ABCG1: variants seen among roughly 807,000 people sequenced by gnomAD.
ABCG1 encodes the protein ATP-binding cassette sub-family G member 1.
In ABCG1, 29 loss-of-function variants were observed where a neutral mutation model predicts 69.2. The observed-to-expected ratio is 0.42, with a 90% CI of 0.31 to 0.57. ABCG1 has a LOEUF of 0.57. Among genes scored for constraint, ABCG1 ranks in the 20% least tolerant of loss-of-function variants. The probability of loss-of-function intolerance (pLI) is 0.15; values close to 1 mark genes in which losing one functional copy is unlikely to be tolerated. For synonymous variants in ABCG1, 370 were observed against 374.8 expected (o/e 0.99, Z 0.15); for missense variants, 718 against 898.1 (o/e 0.80, Z 2.56).
At chr21:42,202,613 C>A (rs1309053641) in intron 2 of ABCG1, among the ~76,000 whole-genome samples, 2 of 145,550 alleles carry the variant, frequency 1.4e-5, no homozygotes, top group Non-Finnish European at 3.0e-5. Context: ...GTCTCTCTCC[C>A]TTTTTTTTTT....
upstream of ABCG1, among the ~76,000 whole-genome samples, chr21:42,211,413 C>T (rs115834651): frequency 1.2e-3 from 180 of 152,284 alleles, no homozygotes; most frequent in African/African-American, 4.2e-3. Context: ...TGGTTTTCCT[C>T]TGCTCCTGTT....
intron 2 of ABCG1, among the ~76,000 whole-genome samples, chr21:42,209,432 C>T (rs935912787): frequency 6.6e-6 from 1 of 152,176 alleles, no homozygotes; most frequent in African/African-American, 2.4e-5. Flanking sequence ...TCCAGCTAGG[C>T]TCCGTGCTGG....
At chr21:42,238,116 G>C (rs225444) in intron 2 of ABCG1, among the ~76,000 whole-genome samples, 80,609 of 152,086 alleles carry the variant, frequency 0.53, 23,259 homozygotes, top group African/African-American at 0.77. Context: ...TTTCATGAAG[G>C]CAAATACTCC....
chr21:42,228,153 C>T (rs575429520), intron 2 of ABCG1, among the ~76,000 whole-genome samples: 95 of 152,272 alleles, frequency 6.2e-4, no homozygotes, highest in Non-Finnish European at 1.2e-3. Context: ...CCCCAACTGT[C>T]CATTCTTAGG....
intron 2 of ABCG1, among the ~76,000 whole-genome samples, chr21:42,232,265 A>C (rs2067911889): frequency 6.6e-6 from 1 of 152,224 alleles, no homozygotes; most frequent in Non-Finnish European, 1.5e-5. Flanking sequence ...GACAGGCTTC[A>C]TATCCAAGGG....
intron 2 of ABCG1, chr21:42,201,819 A>C: frequency 6.3e-7 from 1 of 1,597,374 alleles, no homozygotes; most frequent in Non-Finnish European, 8.6e-7. Context: ...TGTAGTCTAG[A>C]GATGATTCTT....
At position 42,219,443 on chromosome 21, in the gene ABCG1, T is replaced by A. The variant is rs4148098; in HGVS notation, c.42+139T>A. 176,833 of 1,257,752 alleles carry A rather than the reference T, an allele frequency of 0.14. 13,534 individuals carry two copies. The highest frequency in any genetic ancestry group is 0.22 in the Admixed American group (7,510 of 34,644). The allele number at this position is 1,257,752 out of a possible 1,614,324, so 77.9% of individuals were successfully genotyped here. On this transcript the variant is annotated intron_variant, in intron 1 of 14. Coordinates refer to ENST00000398449, the MANE Select transcript of ABCG1 (RefSeq NM_016818.3). This position sits in a 1 kb window ranked among gnomAD's most constrained non-coding sequence, Gnocchi z 5.3. ...GGCGCTGACCCAGGGCACCCTAGAG[T>A]GGCGCCCGGCTCCGATCGCTGCCCC...
Position 42,280,667 on chromosome 21 carries a change from G to A in ABCG1, c.589-1607G>A, listed in dbSNP as rs150049621. On this transcript the variant is annotated intron_variant, in intron 5 of 14. Transcript: ENST00000398449. ...GGGCCCAGCTCATGGGCAGGGGTGC[G>A]GAGGGAAAGGCACCCACAGCGGCCT... is the stretch of plus-strand genomic sequence containing the variant. Among the ~76,000 whole-genome samples the A allele has an allele frequency of 7.2e-3, 1,103 of 152,328 alleles. 18 individuals carry two copies. The highest frequency in any genetic ancestry group is 0.026 in the African/African-American group (1,061 of 41,572).
At chr21:42,251,001 G>T (rs1302392379) in intron 2 of ABCG1, among the ~76,000 whole-genome samples, 1 of 151,868 alleles carries the variant, frequency 6.6e-6, no homozygotes, top group African/African-American at 2.4e-5. Context: ...CAACAGAAAC[G>T]AACACAGGGA....
chr21:42,259,185 G>A (rs1250547385), intron 2 of ABCG1: 5 of 1,405,124 alleles, frequency 3.6e-6, no homozygotes, highest in Non-Finnish European at 4.6e-6. Flanking sequence ...TGAGAGAGAC[G>A]ACATTGCGTT....
chr21:42,221,853 C>T (rs1022855478), intron 1 of ABCG1, among the ~76,000 whole-genome samples: 2 of 152,170 alleles, frequency 1.3e-5, no homozygotes, highest in African/African-American at 4.8e-5. Flanking sequence ...GGAGTGAATG[C>T]GGCTCACCAC....
chr21:42,290,319 A>G (rs1346753800), intron 11 of ABCG1, 101 bp downstream of exon 11: 1 of 1,351,576 alleles, frequency 7.4e-7, no homozygotes. Flanking sequence ...TTTTCTAAAC[A>G]CAATGTTTTT....
chr21:42,257,106 C>T (rs967824879), intron 2 of ABCG1, among the ~76,000 whole-genome samples: 7 of 152,226 alleles, frequency 4.6e-5, no homozygotes, highest in African/African-American at 1.7e-4. Context: ...ATTTCATGCC[C>T]ATTACCAGAT....
At chr21:42,201,705 G>A in exon 2 of ABCG1, 1 of 1,614,002 alleles carries the variant, frequency 6.2e-7, no homozygotes, top group East Asian at 2.2e-5. Flanking sequence ...GGACAAAACA[G>A]AGAAAGCCCT....
At chr21:42,293,081 C>CACTACACACCAT (rs200801502) in intron 13 of ABCG1, among the ~76,000 whole-genome samples, 1 of 35,714 alleles carries the variant, frequency 2.8e-5, no homozygotes, top group African/African-American at 1.2e-4. Flanking sequence ...ACACACACCA[C>CACTACACACCAT]ACACACTACA....
chr21:42,282,763 CT>C (rs1224683017), intron 6 of ABCG1, among the ~76,000 whole-genome samples: 1 of 152,234 alleles, frequency 6.6e-6, no homozygotes, highest in African/African-American at 2.4e-5. Context: ...AACGGTGTGT[CT>C]TCAGGTGTGT....
Position 42,291,437 on chromosome 21 carries a change from G to A in ABCG1, c.1495-61G>A, listed in dbSNP as rs2069057052. 1.3e-5 allele frequency: 20 copies of A among 1,567,546 alleles called. 1 individual carries two copies. In the South Asian group the frequency reaches 2.2e-4, roughly 18 times the overall value. On this transcript the variant is annotated intron_variant, in intron 12 of 14. Transcript: ENST00000398449. This position sits in a 1 kb window ranked among gnomAD's most constrained non-coding sequence, Gnocchi z 6.4. Reference sequence around the variant, plus strand: ...GAAGGGCTGGCTGCCCAGGAGCTTTGCTGTTGGCCTGCTGTGGTGGGAAGC... The same window carrying A: ...GAAGGGCTGGCTGCCCAGGAGCTTTACTGTTGGCCTGCTGTGGTGGGAAGC...
Position 42,273,494 on chromosome 21 carries a change from T to A in ABCG1, c.537+59T>A, listed in dbSNP as rs1173497651. 3.8e-6 allele frequency: 6 copies of A among 1,562,406 alleles called. No individual in the cohort carries two copies. In the East Asian group the frequency reaches 1.1e-4, roughly 30 times the overall value. On this transcript the variant is annotated intron_variant, in intron 4 of 14. Coordinates refer to ENST00000398449, the MANE Select transcript of ABCG1 (RefSeq NM_016818.3). This position sits in a 1 kb window ranked among gnomAD's most constrained non-coding sequence, Gnocchi z 5.3. ...CTGCCGCCTGTCCCCAGCGCCCACA[T>A]TAGACACAGCACTGGCCGAGTGCCC... is the stretch of plus-strand genomic sequence containing the variant.
chr21:42,256,282 G>A lies in ABCG1; in HGVS notation c.287-14788G>A, dbSNP rs768841076. 496 of 1,519,798 alleles carry A rather than the reference G, an allele frequency of 3.3e-4. 1 individual carries two copies. The highest frequency in any genetic ancestry group is 1.0e-3 in the Admixed American group (49 of 47,110). 94.1% of individuals were successfully genotyped at this position (1,519,798 alleles called of 1,614,324 possible). A position where few individuals can be genotyped will look rare whatever the true frequency, so the allele number is the denominator to read the frequency against. On this transcript the variant is annotated intron_variant, in intron 2 of 14. Transcript: ENST00000398449. ...ACTTACCTGCCTGCCCTCCCGCCAG[G>A]AGGTGGTCTTCCAACTTTTGCCCGG...
Sources: gnomAD v4.1 joint callset for allele counts (sites outside exome capture counted in the v4.1 genomes callset) on GRCh38, gnomAD v4.1.1 for gene constraint, Gnocchi (gnomAD v3.1) non-coding constraint, MANE v1.5 for transcripts, NCBI Gene and HGNC (gene_info 2026-07-23, HGNC 2026-07-21) for gene names.